The following C8orf34 variants were observed in gnomAD, a reference collection of about 807,000 sequenced individuals.
The protein encoded by C8orf34 is chromosome 8 open reading frame 34.
A neutral mutation model predicts 68.3 loss-of-function variants in C8orf34; 65 were observed. That is an observed-to-expected ratio of 0.95 (90% CI 0.78 to 1.17). The LOEUF (loss-of-function observed/expected upper bound fraction) is 1.17, where lower values mean the gene tolerates loss of function less well. Ranked by LOEUF, C8orf34 falls within the 50% of genes most tolerant of loss-of-function variation. The pLI is 0.00. For missense variants in C8orf34, 664 were observed against 655.4 expected, an observed-to-expected ratio of 1.01 and a Z score of -0.14; for synonymous variants, 244 against 241.2, an observed-to-expected ratio of 1.01 and a Z score of -0.11.
intron 11 of C8orf34, 108 bp downstream of exon 11, chr8:68,776,557 G>A (rs888992632): frequency 3.8e-6 from 3 of 787,296 alleles, no homozygotes; most frequent in Non-Finnish European, 6.2e-6. Flanking sequence ...TAGTCTGTAT[G>A]TGTTCAATGG....
chr8:68,332,903 T>C (rs1170813732), intron 1 of C8orf34, among the ~76,000 whole-genome samples: 3 of 152,218 alleles, frequency 2.0e-5, no homozygotes, highest in East Asian at 3.8e-4. Context: ...TAATGATTAT[T>C]GATTATACAT....
At chr8:68,563,837 G>A (rs913114898) in intron 7 of C8orf34, among the ~76,000 whole-genome samples, 4 of 152,092 alleles carry the variant, frequency 2.6e-5, no homozygotes, top group African/African-American at 9.7e-5. Flanking sequence ...ACAGAAGCAT[G>A]TGCAAATTTC....
chr8:68,696,106 C>T (rs535538127), intron 8 of C8orf34, among the ~76,000 whole-genome samples: 3 of 151,412 alleles, frequency 2.0e-5, no homozygotes, highest in Admixed American at 6.6e-5. Flanking sequence ...GTCAGGACTT[C>T]AATGAGCGGT....
intron 10 of C8orf34, among the ~76,000 whole-genome samples, chr8:68,730,680 C>T (rs1020856480): frequency 1.3e-5 from 2 of 152,046 alleles, no homozygotes; most frequent in South Asian, 2.1e-4. Context: ...AATCCCTTAA[C>T]ATAATTTTAC....
chr8:68,685,912 A>AAAT (rs1331045917), intron 8 of C8orf34, among the ~76,000 whole-genome samples: 1 of 151,232 alleles, frequency 6.6e-6, no homozygotes, highest in African/African-American at 2.4e-5. Context: ...ATAAATAAAT[A>AAAT]AATAAATAAA....
At chr8:68,435,147 T>G (rs1050966519) in intron 1 of C8orf34, among the ~76,000 whole-genome samples, 2 of 149,206 alleles carry the variant, frequency 1.3e-5, no homozygotes, top group Non-Finnish European at 3.0e-5. Flanking sequence ...AAGTGTATAT[T>G]GATAAATATT....
chr8:68,415,812 A>T (rs1252437432), intron 1 of C8orf34, among the ~76,000 whole-genome samples: 1 of 152,180 alleles, frequency 6.6e-6, no homozygotes, highest in Non-Finnish European at 1.5e-5. Flanking sequence ...TACAGCCACC[A>T]AGTCTGCCCC....
At chr8:68,464,152 A>G (rs1011239037) in intron 3 of C8orf34, among the ~76,000 whole-genome samples, 1 of 152,328 alleles carries the variant, frequency 6.6e-6, no homozygotes, top group East Asian at 1.9e-4. Flanking sequence ...CCAATAACAG[A>G]CAAACCGAGA....
At chr8:68,397,611 A>G (rs914042891) in intron 1 of C8orf34, among the ~76,000 whole-genome samples, 8 of 152,096 alleles carry the variant, frequency 5.3e-5, no homozygotes, top group Non-Finnish European at 1.0e-4. Context: ...GTGGTTACCA[A>G]TCTTGGTTAT....
intron 7 of C8orf34, among the ~76,000 whole-genome samples, chr8:68,621,492 ATAATT>A (rs1366081950): frequency 6.6e-6 from 1 of 152,260 alleles, no homozygotes; most frequent in African/African-American, 2.4e-5. Context: ...ACTTTTATAA[ATAATT>A]TAAAATAGCA....
chr8:68,463,250 G>T (rs1452316318), intron 3 of C8orf34, among the ~76,000 whole-genome samples: 2 of 152,140 alleles, frequency 1.3e-5, no homozygotes, highest in African/African-American at 2.4e-5. Context: ...GGAAGAAGTT[G>T]AATCTCTGAA....
intron 8 of C8orf34, among the ~76,000 whole-genome samples, chr8:68,707,587 T>C (rs575336377): frequency 2.0e-5 from 3 of 152,234 alleles, no homozygotes; most frequent in Admixed American, 6.5e-5. Context: ...AAAATTTACT[T>C]TTTTTAGAGA....
At chr8:68,397,159 C>T (rs2129621095) in intron 1 of C8orf34, among the ~76,000 whole-genome samples, 1 of 152,072 alleles carries the variant, frequency 6.6e-6, no homozygotes, top group East Asian at 1.9e-4. Context: ...GAGCCTGCCA[C>T]CACACCTGAC....
At chr8:68,503,454 G>A (rs1813865029) in intron 5 of C8orf34, among the ~76,000 whole-genome samples, 1 of 152,130 alleles carries the variant, frequency 6.6e-6, no homozygotes, top group African/African-American at 2.4e-5. Flanking sequence ...TGATGAAAAT[G>A]TGTGTGGGTA....
chr8:68,390,278 G>C (rs534874398), intron 1 of C8orf34, among the ~76,000 whole-genome samples: 1 of 152,198 alleles, frequency 6.6e-6, no homozygotes, highest in East Asian at 1.9e-4. Flanking sequence ...TGTCTGAGTT[G>C]AATTCCATGA....
chr8:68,343,172 A>G (rs536597978), intron 1 of C8orf34, among the ~76,000 whole-genome samples: 84 of 152,324 alleles, frequency 5.5e-4, no homozygotes, highest in Non-Finnish European at 8.8e-4. Context: ...GACATTTCAC[A>G]TAAGGGTCTA....
chr8:68,701,036 G>A (rs938973699), intron 8 of C8orf34, among the ~76,000 whole-genome samples: 7 of 152,006 alleles, frequency 4.6e-5, no homozygotes, highest in Non-Finnish European at 7.4e-5. Flanking sequence ...TGTTTAATGT[G>A]GTTCCCCTGA....
chr8:68,807,895 C>T (rs1824533416), intron 12 of C8orf34, among the ~76,000 whole-genome samples: 1 of 152,236 alleles, frequency 6.6e-6, no homozygotes, highest in South Asian at 2.1e-4. Context: ...TTTACCCTTA[C>T]TCCTCCAGTG....
chr8:68,607,474 G>A (rs981635602), intron 7 of C8orf34, among the ~76,000 whole-genome samples: 2 of 151,992 alleles, frequency 1.3e-5, no homozygotes, highest in African/African-American at 4.8e-5. Flanking sequence ...CTTCTTCTAA[G>A]GACACCAGTG....
Sources: gnomAD v4.1 joint callset for allele counts (sites outside exome capture counted in the v4.1 genomes callset) on GRCh38, gnomAD v4.1.1 for gene constraint, MANE v1.5 for transcripts, NCBI Gene and HGNC (gene_info 2026-07-23, HGNC 2026-07-21) for gene names.